The following TMEM135 variants were observed in gnomAD, a reference collection of about 807,000 sequenced individuals.
TMEM135 encodes transmembrane protein 135, also known as peroxisomal membrane protein 52.
In TMEM135, 30 loss-of-function variants were observed where a neutral mutation model predicts 60.3. The observed-to-expected ratio is 0.50, with a 90% CI of 0.37 to 0.68. TMEM135 has a LOEUF of 0.68. Among genes scored for constraint, TMEM135 ranks in the 30% least tolerant of loss-of-function variants. The pLI is 0.00. For missense variants in TMEM135, 468 were observed against 548.8 expected, an observed-to-expected ratio of 0.85 and a Z score of 1.47; for synonymous variants, 190 against 186.7, an observed-to-expected ratio of 1.02 and a Z score of -0.14.
intron 6 of TMEM135, among the ~76,000 whole-genome samples, chr11:87,249,320 A>G (rs552749825): frequency 6.6e-6 from 1 of 152,240 alleles, no homozygotes; most frequent in Non-Finnish European, 1.5e-5. Flanking sequence ...AATTTTGTTA[A>G]GTGCTTTTCC....
At chr11:87,259,263 G>A (rs1487427265) in intron 6 of TMEM135, 15 of 412,832 alleles carry the variant, frequency 3.6e-5, no homozygotes, top group Non-Finnish European at 6.0e-5. Context: ...AGCGGCCATG[G>A]CTGTAGGGGA....
chr11:87,284,950 A>G (rs1341103415), intron 6 of TMEM135, among the ~76,000 whole-genome samples: 1 of 152,226 alleles, frequency 6.6e-6, no homozygotes, highest in African/African-American at 2.4e-5. Context: ...AACCTTTTGT[A>G]TGTATATAAG....
chr11:87,198,570 C>T (rs1304635816), intron 5 of TMEM135, among the ~76,000 whole-genome samples: 1 of 145,956 alleles, frequency 6.9e-6, no homozygotes, highest in East Asian at 2.1e-4. Flanking sequence ...CCCCTCCCCT[C>T]TCCGCTCCCC....
At chr11:87,079,387 G>A (rs1290613489) in intron 3 of TMEM135, among the ~76,000 whole-genome samples, 1 of 152,144 alleles carries the variant, frequency 6.6e-6, no homozygotes, top group Admixed American at 6.5e-5. Flanking sequence ...CGTCGGTAGT[G>A]TGAAGTAGAG....
intron 3 of TMEM135, among the ~76,000 whole-genome samples, chr11:87,088,846 T>C (rs1186680412): frequency 6.6e-6 from 1 of 152,112 alleles, no homozygotes; most frequent in African/African-American, 2.4e-5. Context: ...AAAAACACAA[T>C]TGTCAAAGAG....
chr11:87,167,333 C>T (rs1286602681), intron 5 of TMEM135, among the ~76,000 whole-genome samples: 2 of 152,176 alleles, frequency 1.3e-5, no homozygotes, highest in Non-Finnish European at 2.9e-5. Flanking sequence ...CCAGAACTTC[C>T]AATACTATGT....
At chr11:87,080,195 A>G (rs1350106741) in intron 3 of TMEM135, among the ~76,000 whole-genome samples, 2 of 147,304 alleles carry the variant, frequency 1.4e-5, no homozygotes, top group East Asian at 4.0e-4. Context: ...TGATATCAAC[A>G]AGGACAAGAT....
intron 3 of TMEM135, among the ~76,000 whole-genome samples, chr11:87,090,403 A>T (rs1019641263): frequency 1.3e-5 from 2 of 152,134 alleles, no homozygotes; most frequent in African/African-American, 2.4e-5. Flanking sequence ...AACCATTTAA[A>T]ATAATGAACA....
At chr11:87,227,133 T>G (rs912267627) in intron 5 of TMEM135, among the ~76,000 whole-genome samples, 8 of 152,162 alleles carry the variant, frequency 5.3e-5, no homozygotes. Context: ...ATATTTACTG[T>G]GAGTTTCCAC....
intron 4 of TMEM135, among the ~76,000 whole-genome samples, chr11:87,137,346 T>A (rs965803529): frequency 6.6e-6 from 1 of 151,960 alleles, no homozygotes; most frequent in Non-Finnish European, 1.5e-5. Context: ...TAAAAGAAGA[T>A]GAATTATCTA....
chr11:87,280,730 A>G (rs78765376), intron 6 of TMEM135, among the ~76,000 whole-genome samples: 3,493 of 152,308 alleles, frequency 0.023, 93 homozygotes, highest in African/African-American at 0.061. Context: ...GCCATCGGCA[A>G]TGGCTGTCCT....
At chr11:87,235,185 TTTAAG>T (rs757002910) in intron 5 of TMEM135, among the ~76,000 whole-genome samples, 4 of 151,938 alleles carry the variant, frequency 2.6e-5, no homozygotes, top group Admixed American at 2.0e-4. Context: ...TTTTACATGC[TTTAAG>T]TTATGTTTCT....
intron 6 of TMEM135, among the ~76,000 whole-genome samples, chr11:87,284,220 C>CCTTTG (rs1365886099): frequency 1.3e-5 from 2 of 152,326 alleles, no homozygotes; most frequent in East Asian, 3.9e-4. Flanking sequence ...AATGAAACCA[C>CCTTTG]AATCTGCTCC....
intron 5 of TMEM135, among the ~76,000 whole-genome samples, chr11:87,204,134 A>G (rs1940182631): frequency 6.7e-6 from 1 of 149,864 alleles, no homozygotes; most frequent in Non-Finnish European, 1.5e-5. Context: ...TTTCTGTTGC[A>G]TTTTCTCTGT....
At chr11:87,067,236 T>A (rs962163252) in intron 1 of TMEM135, among the ~76,000 whole-genome samples, 37 of 148,566 alleles carry the variant, frequency 2.5e-4, no homozygotes, top group Non-Finnish European at 3.6e-4. Flanking sequence ...ATATATATTT[T>A]TTTTTCTTGC....
intron 4 of TMEM135, chr11:87,121,379 T>G (rs1278474117): frequency 1.3e-5 from 2 of 152,116 alleles, no homozygotes; most frequent in Non-Finnish European, 2.9e-5. Context: ...AATAAATAAT[T>G]AAAATTATGA....
intron 5 of TMEM135, chr11:87,178,415 C>A (rs1352120919): frequency 2.2e-6 from 1 of 456,000 alleles, no homozygotes; most frequent in Non-Finnish European, 4.4e-6. Flanking sequence ...CCTTTTGAGT[C>A]TGCCTTCCTT....
chr11:87,297,033 G>T (rs988694626), intron 7 of TMEM135, among the ~76,000 whole-genome samples: 3 of 152,126 alleles, frequency 2.0e-5, no homozygotes, highest in African/African-American at 7.2e-5. Flanking sequence ...GAGCAGGGTG[G>T]TTGACATTGT....
intron 4 of TMEM135, among the ~76,000 whole-genome samples, chr11:87,132,913 G>A (rs138883093): frequency 7.8e-4 from 118 of 152,176 alleles, no homozygotes; most frequent in South Asian, 2.5e-3. Context: ...AAACAAAGCC[G>A]TTATAACAAT....
Sources: allele counts gnomAD v4.1 joint callset (sites outside exome capture counted in the v4.1 genomes callset), GRCh38; gene constraint gnomAD v4.1.1; transcripts MANE v1.5; gene names NCBI Gene and HGNC (gene_info 2026-07-23, HGNC 2026-07-21).